Variants in UTY observed in about 807,000 individuals in gnomAD.
UTY encodes the protein histone demethylase UTY.
Under a neutral mutation model 32.5 loss-of-function variants are expected in UTY, and 12 were observed. The ratio of observed to expected loss-of-function variants is 0.37; its 90% confidence interval spans 0.24 to 0.60. The LOEUF (loss-of-function observed/expected upper bound fraction) is 0.60, where lower values mean the gene tolerates loss of function less well. Among genes scored for constraint, UTY ranks in the 20% least tolerant of loss-of-function variants. UTY has a pLI of 0.69. For missense variants in UTY, 303 were observed against 299.2 expected, an observed-to-expected ratio of 1.01 and a Z score of -0.09; for synonymous variants, 131 against 103.4, an observed-to-expected ratio of 1.27 and a Z score of -1.62.
At chrY:13,341,169 T>C (rs2061459032) in intron 17 of UTY, among the ~76,000 whole-genome samples, 1 of 33,520 alleles carries the variant, frequency 3.0e-5, no homozygotes, top group Non-Finnish European at 7.4e-5. Context: ...TAATGCAGCA[T>C]TTTTAAGTCA....
At chrY:13,256,574 TG>T (rs2054744260) in intron 28 of UTY, among the ~76,000 whole-genome samples, 2 of 34,051 alleles carry the variant, frequency 5.9e-5, no homozygotes, top group East Asian at 1.5e-3. Context: ...TTTTCACAGA[TG>T]GGTCTAGTAA....
chrY:13,415,758 C>T, intron 4 of UTY, among the ~76,000 whole-genome samples: 1 of 33,457 alleles, frequency 3.0e-5, no homozygotes, highest in Non-Finnish European at 7.4e-5. Context: ...CACAATGATG[C>T]AACTGCCTAA....
In UTY at chrY:13,271,223, C is replaced by A; in HGVS notation, c.4011-10819G>T. The stretch of plus-strand genomic sequence containing the variant: ...AGACAACAGGCTAGAGAAATGAAGG[C>A]TTCTAAAAAGAGATGCTTTAGAGTT... On this transcript the variant is annotated intron_variant, in intron 27 of 29. Coordinates refer to ENST00000545955, the MANE Select transcript of UTY (RefSeq NM_001258249.2). Among the ~76,000 whole-genome samples, 3 of 33,180 alleles carry A rather than the reference C, an allele frequency of 9.0e-5. No homozygotes were observed. In the East Asian group the frequency reaches 2.3e-3, roughly 26 times the overall value. The allele number at this position is 33,180 out of a possible 37,273, so 89.0% of individuals were successfully genotyped here.
intron 8 of UTY, among the ~76,000 whole-genome samples, chrY:13,389,134 T>C: frequency 3.1e-5 from 1 of 32,777 alleles, no homozygotes. Context: ...ACCATTACTA[T>C]ACTTTCTTTG....
intron 27 of UTY, among the ~76,000 whole-genome samples, chrY:13,271,278 T>C (rs914971909): frequency 6.0e-5 from 2 of 33,274 alleles, no homozygotes; most frequent in Non-Finnish European, 1.5e-4. Context: ...GGATAAAATA[T>C]ACTTGAAATA....
At chrY:13,315,642 A>G (rs751557251) in intron 21 of UTY, among the ~76,000 whole-genome samples, 1 of 32,774 alleles carries the variant, frequency 3.1e-5, no homozygotes, top group South Asian at 7.0e-4. Flanking sequence ...CAAAACAGAG[A>G]TTATTAAGGG....
intron 18 of UTY, among the ~76,000 whole-genome samples, chrY:13,331,144 G>A: frequency 5.9e-5 from 2 of 33,999 alleles, no homozygotes; most frequent in Non-Finnish European, 7.3e-5. Flanking sequence ...GATTCTCTCA[G>A]CACAAGGCTT....
intron 27 of UTY, among the ~76,000 whole-genome samples, chrY:13,278,551 A>C (rs2056823950): frequency 5.9e-5 from 2 of 33,657 alleles, no homozygotes; most frequent in African/African-American, 2.3e-4. Context: ...GACTGCATTC[A>C]GCATAAGCTG....
intron 27 of UTY, among the ~76,000 whole-genome samples, chrY:13,263,972 C>T (rs776252082): frequency 3.0e-5 from 1 of 33,706 alleles, no homozygotes; most frequent in Non-Finnish European, 7.4e-5. Flanking sequence ...TGTTCCCCTC[C>T]GTGTCCATGT....
intron 8 of UTY, among the ~76,000 whole-genome samples, chrY:13,376,718 T>C: frequency 6.0e-5 from 2 of 33,077 alleles, no homozygotes; most frequent in African/African-American, 2.4e-4. Context: ...ATACAAACAG[T>C]AGAGCACCCA....
intron 27 of UTY, chrY:13,286,818 T>C (rs1603306066): frequency 2.5e-5 from 9 of 365,484 alleles, no homozygotes; most frequent in Non-Finnish European, 3.6e-5. Context: ...TGACAAATTA[T>C]TGGATTCCAG....
At chrY:13,315,553 A>C in intron 21 of UTY, among the ~76,000 whole-genome samples, 1 of 34,174 alleles carries the variant, frequency 2.9e-5, no homozygotes, top group Non-Finnish European at 7.3e-5. Context: ...GGTTGCAGTG[A>C]GCTGAGATCA....
intron 28 of UTY, among the ~76,000 whole-genome samples, chrY:13,255,905 T>G: frequency 6.0e-5 from 2 of 33,159 alleles, no homozygotes; most frequent in Non-Finnish European, 7.4e-5. Context: ...CGTAAAAAAT[T>G]TTCAGTGTTA....
chrY:13,371,355 CCACA>C (rs770242542), intron 8 of UTY, among the ~76,000 whole-genome samples: 4 of 29,931 alleles, frequency 1.3e-4, no homozygotes, highest in Admixed American at 3.1e-4. Flanking sequence ...GCATACACAA[CCACA>C]CACACACACA....
chrY:13,381,385 G>A (rs924984474), intron 8 of UTY, among the ~76,000 whole-genome samples: 1 of 34,039 alleles, frequency 2.9e-5, no homozygotes, highest in African/African-American at 1.1e-4. Context: ...TTAGCAGGGC[G>A]TGGTGGCGCA....
At chrY:13,280,014 G>A (rs764763589) in intron 27 of UTY, among the ~76,000 whole-genome samples, 22 of 33,447 alleles carry the variant, frequency 6.6e-4, no homozygotes, top group Non-Finnish European at 1.6e-3. Flanking sequence ...ATATACTATC[G>A]GGGAGACAAA....
chrY:13,258,334 T>C (rs2054955973), intron 28 of UTY, among the ~76,000 whole-genome samples: 1 of 33,773 alleles, frequency 3.0e-5, no homozygotes, highest in African/African-American at 1.2e-4. Context: ...GGCCACACTA[T>C]GTTCAGCTGG....
At chrY:13,471,334 T>C (rs2078453482) in intron 2 of UTY, among the ~76,000 whole-genome samples, 1 of 33,800 alleles carries the variant, frequency 3.0e-5, no homozygotes, top group East Asian at 7.8e-4. Flanking sequence ...ATGTAAACCA[T>C]CTTTAGTGTC....
chrY:13,320,608 CAG>C (rs2059763807), intron 21 of UTY, among the ~76,000 whole-genome samples: 1 of 33,580 alleles, frequency 3.0e-5, no homozygotes, highest in African/African-American at 1.1e-4. Context: ...CTTTGTTTCT[CAG>C]AGTCAAGAAA....
Sources: allele counts gnomAD v4.1 joint callset (sites outside exome capture counted in the v4.1 genomes callset), GRCh38; gene constraint gnomAD v4.1.1; transcripts MANE v1.5; gene names NCBI Gene and HGNC (gene_info 2026-07-23, HGNC 2026-07-21).